HDAC9: variants seen among roughly 807,000 people sequenced by gnomAD.
The protein encoded by HDAC9 is histone deacetylase 9, also known as MEF-2 interacting transcription repressor (MITR) protein.
In HDAC9, 41 loss-of-function variants were observed where a neutral mutation model predicts 139.4. The ratio of observed to expected loss-of-function variants is 0.29; its 90% CI spans 0.23 to 0.38. The LOEUF is 0.38. Ranked by LOEUF, HDAC9 falls within the 10% of genes least tolerant of loss-of-function variation. The pLI, the probability that HDAC9 is intolerant of heterozygous loss-of-function variation, is 1.00. For synonymous variants in HDAC9, 517 were observed against 476.2 expected (o/e 1.09, Z -1.12); for missense variants, 1,147 against 1,297.0 (o/e 0.88, Z 1.78).
intron 16 of HDAC9, among the ~76,000 whole-genome samples, chr7:18,783,936 T>G (rs34719027): frequency 0.18 from 27,293 of 151,980 alleles, 2,996 homozygotes; most frequent in Middle Eastern, 0.28. Context: ...GTGTAGCCAT[T>G]GTCCTTTTAG....
intron 2 of HDAC9, among the ~76,000 whole-genome samples, chr7:18,559,008 G>A (rs1352095284): frequency 6.6e-6 from 1 of 152,146 alleles, no homozygotes. Context: ...GTTGGGTGAG[G>A]TGACATCCCT....
At position 18,730,598 on chromosome 7, in the gene HDAC9, C is replaced by G. The variant is rs150952890; in HGVS notation, c.1909+2841C>G. On this transcript the variant is annotated intron_variant, in intron 13 of 25. Coordinates refer to ENST00000686413, the MANE Select transcript of HDAC9 (RefSeq NM_178425.4). ...TGAACCAGTTGAGGTCAATAGGAAC[C>G]CATTTCTGTTCATGTCTTCCACCCA... Among the ~76,000 whole-genome samples, 549 of 152,254 alleles carry G rather than the reference C, an allele frequency of 3.6e-3. 4 individuals are homozygous for G. Among genetic ancestry groups the G allele is most frequent in the African/African-American group, 0.013 (526 of 41,550 alleles).
rs145467096 is a variant in HDAC9, at chr7:18,585,735, A to C, written c.264+213A>C. Among the ~76,000 whole-genome samples the C allele has an allele frequency of 5.5e-3, 830 of 152,268 alleles. 9 individuals are homozygous for C. Among genetic ancestry groups the C allele is most frequent in the African/African-American group, 0.019 (804 of 41,558 alleles). On this transcript the variant is annotated intron_variant, in intron 3 of 25. Coordinates refer to ENST00000686413, the MANE Select transcript of HDAC9 (RefSeq NM_178425.4). ...CTCAGAGGGACCTTCTTTATCCTTTAGCACATAGAATCAATAGCAGGGAAT... is the reference window on the plus strand; with the variant it reads ...CTCAGAGGGACCTTCTTTATCCTTTCGCACATAGAATCAATAGCAGGGAAT...
chr7:18,459,811 A>G (rs1382743716), intron 1 of HDAC9, among the ~76,000 whole-genome samples: 1 of 152,238 alleles, frequency 6.6e-6, no homozygotes, highest in Non-Finnish European at 1.5e-5. Flanking sequence ...TCCTGTCCTC[A>G]TATTTAAGAA....
At chr7:18,531,772 G>T (rs964977575) in intron 2 of HDAC9, among the ~76,000 whole-genome samples, 18 of 151,808 alleles carry the variant, frequency 1.2e-4, no homozygotes, top group Admixed American at 1.2e-3. Context: ...CTTAACCTCC[G>T]AGAACCACAC....
intron 2 of HDAC9, among the ~76,000 whole-genome samples, chr7:18,572,887 A>T (rs1563328929): frequency 2.6e-5 from 4 of 152,190 alleles, no homozygotes; most frequent in Admixed American, 1.3e-4. Context: ...GCCATTACAG[A>T]TTAGTTAGCA....
chr7:18,719,829 C>T (rs562108400), intron 12 of HDAC9, among the ~76,000 whole-genome samples: 11 of 152,214 alleles, frequency 7.2e-5, no homozygotes, highest in East Asian at 5.8e-4. Context: ...TGCGAAAATG[C>T]GATGGTGGTT....
At chr7:18,831,339 T>C (rs1420530515) in intron 19 of HDAC9, among the ~76,000 whole-genome samples, 1 of 152,172 alleles carries the variant, frequency 6.6e-6, no homozygotes, top group East Asian at 1.9e-4. Flanking sequence ...AGGATGTATA[T>C]GTAAAGTTTT....
At chr7:18,538,545 C>T (rs1002189114) in intron 2 of HDAC9, among the ~76,000 whole-genome samples, 2 of 152,162 alleles carry the variant, frequency 1.3e-5, no homozygotes, top group African/African-American at 4.8e-5. Flanking sequence ...TATTTAACGG[C>T]CATGAGCCTT....
chr7:18,821,277 G>T (rs958953511), intron 17 of HDAC9, among the ~76,000 whole-genome samples: 1 of 152,182 alleles, frequency 6.6e-6, no homozygotes, highest in African/African-American at 2.4e-5. Context: ...CCTGAATTTT[G>T]GAGGGAACAC....
intron 1 of HDAC9, among the ~76,000 whole-genome samples, chr7:18,339,332 T>A (rs1781817567): frequency 1.3e-5 from 2 of 151,496 alleles, no homozygotes; most frequent in African/African-American, 2.4e-5. Context: ...TCTCTTTTTC[T>A]AGTTTCGTAA....
intron 1 of HDAC9, among the ~76,000 whole-genome samples, chr7:18,410,965 C>T (rs1044794436): frequency 1.2e-4 from 19 of 152,146 alleles, no homozygotes; most frequent in African/African-American, 4.3e-4. Flanking sequence ...TTATAATCGT[C>T]AAGGAAGTAT....
At chr7:18,992,390 T>C (rs1195872138) in intron 25 of HDAC9, among the ~76,000 whole-genome samples, 1 of 152,128 alleles carries the variant, frequency 6.6e-6, no homozygotes, top group Admixed American at 6.6e-5. Flanking sequence ...GTGAGAAAAT[T>C]ATGCACATGT....
intron 1 of HDAC9, among the ~76,000 whole-genome samples, chr7:18,102,235 A>G (rs1002928048): frequency 1.3e-5 from 2 of 152,208 alleles, no homozygotes; most frequent in African/African-American, 4.8e-5. Context: ...GTGATAATTT[A>G]AAAGAATCCT....
At chr7:18,310,365 A>G (rs918985288) in intron 1 of HDAC9, among the ~76,000 whole-genome samples, 2 of 152,172 alleles carry the variant, frequency 1.3e-5, no homozygotes, top group Non-Finnish European at 2.9e-5. Flanking sequence ...TTAGAGAATA[A>G]CAGCATCTCT....
At chr7:18,282,907 G>A (rs530435195) in intron 2 of HDAC9, among the ~76,000 whole-genome samples, 3 of 139,702 alleles carry the variant, frequency 2.1e-5, no homozygotes, top group Admixed American at 2.1e-4. Flanking sequence ...TTTAGGCCCT[G>A]CATTTGAAAG....
chr7:18,531,872 C>A (rs1410878850), intron 2 of HDAC9, among the ~76,000 whole-genome samples: 4 of 152,038 alleles, frequency 2.6e-5, no homozygotes, highest in Non-Finnish European at 5.9e-5. Context: ...GAAATGAACT[C>A]TTTTATGTTT....
Position 18,909,584 on chromosome 7 carries a change from A to G in HDAC9, c.2804-26225A>G, listed in dbSNP as rs565271486. ...AATTTTGTATATGGTGAGAGATGGG[A>G]GTCTAGTTTCATTGTTCTTCATATG... is the stretch of plus-strand genomic sequence containing the variant. On this transcript the variant is annotated intron_variant, in intron 22 of 25. Coordinates refer to ENST00000686413, the MANE Select transcript of HDAC9 (RefSeq NM_178425.4). Among the ~76,000 whole-genome samples the G allele has an allele frequency of 2.6e-5, 4 of 152,004 alleles. No homozygotes were observed. In the South Asian group the frequency reaches 8.3e-4, roughly 32 times the overall value.
intron 7 of HDAC9, among the ~76,000 whole-genome samples, chr7:18,634,137 T>G (rs1292613587): frequency 1.3e-5 from 2 of 152,116 alleles, no homozygotes; most frequent in Non-Finnish European, 2.9e-5. Flanking sequence ...TATGCAATAA[T>G]AAGGTATAGC....
Sources: allele counts gnomAD v4.1 joint callset (sites outside exome capture counted in the v4.1 genomes callset), GRCh38; gene constraint gnomAD v4.1.1; transcripts MANE v1.5; gene names NCBI Gene and HGNC (gene_info 2026-07-23, HGNC 2026-07-21).